The following SVIL variants were observed in gnomAD, a reference collection of about 807,000 sequenced individuals.
SVIL encodes the protein supervillin.
In SVIL, 101 loss-of-function variants were observed where a neutral mutation model predicts 240.4. The observed-to-expected ratio is 0.42, with a 90% CI of 0.36 to 0.50. The LOEUF (loss-of-function observed/expected upper bound fraction) is 0.50. Ranked by LOEUF, SVIL falls within the 20% of genes least tolerant of loss-of-function variation. SVIL has a pLI of 0.01. For missense variants in SVIL, 2,512 were observed against 2,818.7 expected (o/e 0.89, Z 2.46); for synonymous variants, 999 against 1,100.0 (o/e 0.91, Z 1.82).
intron 16 of SVIL, among the ~76,000 whole-genome samples, chr10:29,513,993 A>T (rs1950035231): frequency 1.3e-5 from 2 of 152,244 alleles, no homozygotes; most frequent in Middle Eastern, 3.4e-3. Flanking sequence ...TAAAAAAAAA[A>T]AAAAAAGGTG....
chr10:29,547,893 C>A (rs1275468182), intron 6 of SVIL, among the ~76,000 whole-genome samples: 1 of 152,128 alleles, frequency 6.6e-6, no homozygotes, highest in Non-Finnish European at 1.5e-5. Flanking sequence ...GGTTCTTCAT[C>A]CTACTTGCAA....
At chr10:29,713,985 G>A (rs1335276152) in intron 1 of SVIL, among the ~76,000 whole-genome samples, 3 of 152,224 alleles carry the variant, frequency 2.0e-5, no homozygotes, top group Non-Finnish European at 4.4e-5. Flanking sequence ...ATATACTGGA[G>A]AAGCACCCAA....
At chr10:29,572,864 G>GA (rs1288999043) in intron 1 of SVIL, among the ~76,000 whole-genome samples, 1 of 150,202 alleles carries the variant, frequency 6.7e-6, no homozygotes, top group Non-Finnish European at 1.5e-5. Context: ...CCTTTATAAA[G>GA]AATGTAACAG....
intron 2 of SVIL, among the ~76,000 whole-genome samples, chr10:29,564,534 C>G (rs1458682268): frequency 1.3e-5 from 2 of 152,140 alleles, no homozygotes; most frequent in African/African-American, 2.4e-5. Flanking sequence ...TGACCTTCCC[C>G]CTGTTCGGGT....
At chr10:29,697,041 G>C (rs1331545217) in intron 1 of SVIL, among the ~76,000 whole-genome samples, 76 of 121,236 alleles carry the variant, frequency 6.3e-4, no homozygotes, top group African/African-American at 2.3e-3. Context: ...CGCCCGGCCA[G>C]CCGCCCCGTC....
chr10:29,721,976 G>A (rs567996226), intron 1 of SVIL, among the ~76,000 whole-genome samples: 1 of 152,194 alleles, frequency 6.6e-6, no homozygotes, highest in Non-Finnish European at 1.5e-5. Flanking sequence ...GGTGGCTCAC[G>A]CTTATAATCT....
At chr10:29,612,127 T>C (rs956326025) in intron 1 of SVIL, among the ~76,000 whole-genome samples, 2 of 152,098 alleles carry the variant, frequency 1.3e-5, no homozygotes, top group Non-Finnish European at 2.9e-5. Context: ...TTTTTCCCAT[T>C]GCAAGTCATA....
rs182633001 is a variant in SVIL at position 29,675,741 on chromosome 10, C to T, written c.-301+10812G>A. 6.0e-4 allele frequency among the ~76,000 whole-genome samples: 91 copies of T among 152,292 alleles called. 1 individual carries two copies. Among genetic ancestry groups the T allele is most frequent in the African/African-American group, 1.9e-3 (77 of 41,556 alleles). On this transcript the variant is annotated intron_variant, in intron 2 of 35. Transcript: ENST00000375400. ...AAACCATACCGTTTCCTCCAGTCTT[C>T]GCCCAAGTGTTACACAAAGACTTGT...
intron 1 of SVIL, among the ~76,000 whole-genome samples, chr10:29,574,353 C>T (rs1340420740): frequency 6.6e-6 from 1 of 152,100 alleles, no homozygotes; most frequent in Non-Finnish European, 1.5e-5. Flanking sequence ...TCATGGTACA[C>T]ATCACACCAC....
At chr10:29,463,075 C>T (rs989027521) in intron 35 of SVIL, among the ~76,000 whole-genome samples, 1 of 152,152 alleles carries the variant, frequency 6.6e-6, no homozygotes. Context: ...TGGCAATGGC[C>T]GTTCACTGTT....
intron 2 of SVIL, among the ~76,000 whole-genome samples, chr10:29,686,184 A>G (rs1282175101): frequency 6.6e-6 from 1 of 152,214 alleles, no homozygotes; most frequent in Admixed American, 6.5e-5. Context: ...CCTGTGATTA[A>G]AATGAGTTCC....
rs552790366 is a variant in SVIL, at chr10:29,606,793, C to T, written c.-201+27627G>A. Among the ~76,000 whole-genome samples, 16 of 152,216 alleles carry T rather than the reference C, an allele frequency of 1.1e-4. 1 individual carries two copies. The South Asian group carries it at 2.1e-3, about 20-fold the overall frequency. ...TATTTGAGTCAGAGTCTTGTTCTGTCGCCCAGGCTGGAGTGCAGTGGCAGG... is the reference window on the plus strand; with the variant it reads ...TATTTGAGTCAGAGTCTTGTTCTGTTGCCCAGGCTGGAGTGCAGTGGCAGG... On this transcript the variant is annotated intron_variant, in intron 1 of 37. Coordinates refer to ENST00000355867, the MANE Select transcript of SVIL (RefSeq NM_021738.3).
chr10:29,489,341 T>G (rs12358834), intron 22 of SVIL, among the ~76,000 whole-genome samples: 14,456 of 152,252 alleles, frequency 0.095, 867 homozygotes, highest in Non-Finnish European at 0.13. Flanking sequence ...GACCGGTCAG[T>G]CATCACTAAT....
chr10:29,676,143 A>G (rs553398563), intron 2 of SVIL, among the ~76,000 whole-genome samples: 2 of 152,138 alleles, frequency 1.3e-5, no homozygotes, highest in East Asian at 3.9e-4. Context: ...TAAACCCCTA[A>G]TTTTAGTCAG....
Position 29,550,887 on chromosome 10 carries a change from G to A in SVIL, c.537C>T (p.Ala179=), listed in dbSNP as rs764435020. The change falls in exon 6 of 38, where the codon GCC becomes GCT. Residue 179 remains alanine, a synonymous_variant. Transcript: ENST00000355867. ...GTETMGLRTC[A]GESKDYALHV... ...GGAGGGCATAGTCCTTGGATTCACC[G>A]GCACAGGTCCTGAGCCCCATCGTCT... 3.1e-6 allele frequency: 5 copies of A among 1,613,966 alleles called. No individual in the cohort carries two copies. The highest frequency in any genetic ancestry group is 4.2e-6 in the Non-Finnish European group (5 of 1,179,986).
In SVIL at chr10:29,499,262, C is replaced by A; in HGVS notation, c.3518G>T (p.Arg1173Leu). The A allele has an allele frequency of 6.2e-7, 1 of 1,614,184 alleles. No individual in the cohort carries two copies. Reference protein sequence around the residue: ...QEAGRSLIKKRVTESRESQMT... With the variant: ...QEAGRSLIKKLVTESRESQMT... ...TTGGCTCTCTCGACTTTCTGTGACC[C>A]GCTGTTCATAAATGTACAGAAGAGA... Residue 1173 changes from arginine to leucine, a missense_variant and splice_region_variant, in exon 18 of 38, where the codon CGG becomes CTG. Physicochemically the swap from Arg to Leu is moderately radical, Grantham distance 102. This residue lies in a region of SVIL where 1,443 missense variants were observed against 1,486.6 expected (regional missense o/e 0.97). Transcript: ENST00000355867.
intron 17 of SVIL, among the ~76,000 whole-genome samples, chr10:29,511,142 TCAAC>T (rs1474496135): frequency 7.2e-4 from 95 of 132,272 alleles, no homozygotes; most frequent in African/African-American, 2.8e-3. Flanking sequence ...CACTGGATTA[TCAAC>T]CCCAAGGGCA....
intron 1 of SVIL, among the ~76,000 whole-genome samples, chr10:29,724,370 A>AACACACACACAC (rs9299624): frequency 0.041 from 6,041 of 146,068 alleles, 335 homozygotes; most frequent in African/African-American, 0.12. Context: ...GAGGATTTAA[A>AACACACACACAC]ACACACACAC....
chr10:29,586,130 C>T (rs1956158301), intron 1 of SVIL, among the ~76,000 whole-genome samples: 1 of 152,156 alleles, frequency 6.6e-6, no homozygotes, highest in African/African-American at 2.4e-5. Flanking sequence ...GGAAAACGGT[C>T]CCCGTGGATG....
Sources: gnomAD v4.1 joint callset for allele counts (sites outside exome capture counted in the v4.1 genomes callset) on GRCh38, gnomAD v4.1.1 for gene constraint, gnomAD v4.1.1 regional missense constraint, MANE v1.5 for transcripts, NCBI Gene and HGNC (gene_info 2026-07-23, HGNC 2026-07-21) for gene names.